The following CPA6 variants were observed in gnomAD, a reference collection of about 807,000 sequenced individuals.
CPA6 encodes carboxypeptidase A6, also known as carboxypeptidase B.
Under a neutral mutation model 63.3 loss-of-function variants are expected in CPA6, and 58 were observed. The ratio of observed to expected loss-of-function variants is 0.92; its 90% CI spans 0.74 to 1.14. The LOEUF (loss-of-function observed/expected upper bound fraction) is 1.14, where lower values mean the gene tolerates loss of function less well. Among genes scored for constraint, CPA6 ranks in the 50% most tolerant of loss-of-function variants. The pLI is 0.00. For missense variants in CPA6, 565 were observed against 526.6 expected, an observed-to-expected ratio of 1.07 and a Z score of -0.71; for synonymous variants, 185 against 179.0, an observed-to-expected ratio of 1.03 and a Z score of -0.27.
intron 8 of CPA6, among the ~76,000 whole-genome samples, chr8:67,481,692 T>C (rs1811364064): frequency 2.0e-5 from 3 of 152,190 alleles, no homozygotes; most frequent in Admixed American, 1.3e-4. Flanking sequence ...GCTATGGATG[T>C]TTATTTGGAG....
chr8:67,565,833 T>C (rs1813324358), intron 2 of CPA6, among the ~76,000 whole-genome samples: 1 of 152,202 alleles, frequency 6.6e-6, no homozygotes, highest in Non-Finnish European at 1.5e-5. Flanking sequence ...AGATGTCATC[T>C]TCACTTTGAA....
At chr8:67,697,427 G>T (rs1307032886) in intron 1 of CPA6, among the ~76,000 whole-genome samples, 1 of 152,190 alleles carries the variant, frequency 6.6e-6, no homozygotes, top group Non-Finnish European at 1.5e-5. Flanking sequence ...CCTTAAGGAG[G>T]CCATCTGACT....
At chr8:67,435,628 A>ATG (rs754016707) in intron 8 of CPA6, among the ~76,000 whole-genome samples, 10,901 of 149,260 alleles carry the variant, frequency 0.073, 466 homozygotes, top group African/African-American at 0.12. Context: ...GTGTGCGTGC[A>ATG]TGTGTGTGTG....
chr8:67,705,858 C>T (rs1817123042), intron 1 of CPA6, among the ~76,000 whole-genome samples: 1 of 152,168 alleles, frequency 6.6e-6, no homozygotes, highest in African/African-American at 2.4e-5. Context: ...TCACAGGGCT[C>T]ACACGGCAAC....
chr8:67,521,302 A>C (rs1354740968), intron 2 of CPA6, among the ~76,000 whole-genome samples: 2 of 152,232 alleles, frequency 1.3e-5, no homozygotes, highest in Non-Finnish European at 2.9e-5. Flanking sequence ...AAGGTATTTC[A>C]GTGTCTTGCT....
At chr8:67,621,021 G>A (rs920114018) in intron 2 of CPA6, among the ~76,000 whole-genome samples, 2 of 152,136 alleles carry the variant, frequency 1.3e-5, no homozygotes, top group Admixed American at 6.5e-5. Context: ...TGGAATTTGG[G>A]TATGTGCTAG....
chr8:67,685,269 G>A (rs1816687198), intron 1 of CPA6, among the ~76,000 whole-genome samples: 1 of 152,144 alleles, frequency 6.6e-6, no homozygotes, highest in South Asian at 2.1e-4. Context: ...CCATCCTCCT[G>A]ATGTCGCTAG....
At chr8:67,667,244 T>TA (rs201375519) in intron 1 of CPA6, among the ~76,000 whole-genome samples, 3,906 of 152,194 alleles carry the variant, frequency 0.026, 206 homozygotes, top group African/African-American at 0.09. Flanking sequence ...CATTTCGGAT[T>TA]GGGGTGAAGG....
intron 2 of CPA6, among the ~76,000 whole-genome samples, chr8:67,547,030 C>G (rs1201615847): frequency 1.3e-5 from 2 of 151,956 alleles, no homozygotes; most frequent in Non-Finnish European, 2.9e-5. Context: ...ATGCTGAAGG[C>G]CAAGTTTATT....
intron 6 of CPA6, among the ~76,000 whole-genome samples, chr8:67,491,395 G>A (rs1318205582): frequency 6.6e-6 from 1 of 151,954 alleles, no homozygotes; most frequent in Non-Finnish European, 1.5e-5. Flanking sequence ...TCCTCATCTT[G>A]TATATTCTAG....
chr8:67,542,529 T>A (rs555385305), intron 2 of CPA6, among the ~76,000 whole-genome samples: 62 of 152,102 alleles, frequency 4.1e-4, no homozygotes, highest in Non-Finnish European at 7.6e-4. Flanking sequence ...TCTGTACACA[T>A]GCTTTTTCAG....
At chr8:67,662,632 TACAC>T (rs1361074857) in intron 1 of CPA6, among the ~76,000 whole-genome samples, 1 of 151,034 alleles carries the variant, frequency 6.6e-6, no homozygotes, top group Non-Finnish European at 1.5e-5. Context: ...ATAGAATACA[TACAC>T]ACATGTATAT....
chr8:67,474,702 A>G (rs1054941582), intron 8 of CPA6, among the ~76,000 whole-genome samples: 2 of 152,110 alleles, frequency 1.3e-5, no homozygotes, highest in South Asian at 2.1e-4. Context: ...CTGGTCGGAC[A>G]TGGTGGCTCA....
intron 1 of CPA6, among the ~76,000 whole-genome samples, chr8:67,653,549 T>C (rs1392029783): frequency 2.0e-5 from 3 of 152,074 alleles, no homozygotes; most frequent in Middle Eastern, 3.4e-3. Context: ...TGTTTGTCTG[T>C]TATTGGTGTA....
intron 10 of CPA6, among the ~76,000 whole-genome samples, chr8:67,425,253 TC>T (rs1809857604): frequency 6.6e-6 from 1 of 152,204 alleles, no homozygotes; most frequent in South Asian, 2.1e-4. Flanking sequence ...ATTTATATAA[TC>T]CAGCTTGAGA....
intron 1 of CPA6, among the ~76,000 whole-genome samples, chr8:67,707,612 A>C: frequency 6.6e-6 from 1 of 152,162 alleles, no homozygotes; most frequent in East Asian, 1.9e-4. Flanking sequence ...CTTTCCTTTA[A>C]AAAATCAAAC....
chr8:67,470,893 A>G (rs893276672), intron 8 of CPA6, among the ~76,000 whole-genome samples: 13 of 152,214 alleles, frequency 8.5e-5, no homozygotes, highest in African/African-American at 3.1e-4. Flanking sequence ...GGAAGGTATA[A>G]TTAGAATCTA....
rs571378161 is a variant in CPA6, at chr8:67,638,009, A to G, written c.117-13758T>C. Among the ~76,000 whole-genome samples, 732 of 119,626 alleles carry G rather than the reference A, an allele frequency of 6.1e-3. 8 individuals are homozygous for G. The highest frequency in any genetic ancestry group is 7.6e-3 in the Non-Finnish European group (432 of 56,726). The allele number at this position is 119,626 out of a possible 152,430, so 78.5% of individuals were successfully genotyped here. ...TGTGTGTGTGTGTGTGTGTGTGTGC[A>G]TGCATGCATGTGTGTTTGTGTATGT... On this transcript the variant is annotated intron_variant, in intron 1 of 10. Coordinates refer to ENST00000297770, the MANE Select transcript of CPA6 (RefSeq NM_020361.5).
chr8:67,618,602 A>G (rs924220978), intron 2 of CPA6, among the ~76,000 whole-genome samples: 3 of 152,176 alleles, frequency 2.0e-5, no homozygotes, highest in African/African-American at 7.2e-5. Flanking sequence ...ACAAACCAAT[A>G]TTTATGAGGT....
Sources: allele counts gnomAD v4.1 joint callset (sites outside exome capture counted in the v4.1 genomes callset), GRCh38; gene constraint gnomAD v4.1.1; transcripts MANE v1.5; gene names NCBI Gene and HGNC (gene_info 2026-07-23, HGNC 2026-07-21).